Variants in PRDM1 observed in about 807,000 individuals in gnomAD.
The protein encoded by PRDM1 is PR/SET domain 1.
Under a neutral mutation model 62.8 loss-of-function variants are expected in PRDM1, and 13 were observed. The ratio of observed to expected loss-of-function variants is 0.21; its 90% CI spans 0.13 to 0.33. The LOEUF is 0.33. Among genes scored for constraint, PRDM1 ranks in the 10% least tolerant of loss-of-function variants. PRDM1 has a pLI of 1.00. For missense variants in PRDM1, 895 were observed against 1,058.8 expected (o/e 0.85, Z 2.15); for synonymous variants, 396 against 417.6 (o/e 0.95, Z 0.63).
At chr6:106,052,005 A>G (rs1773183440) in intron 1 of PRDM1, among the ~76,000 whole-genome samples, 1 of 152,230 alleles carries the variant, frequency 6.6e-6, no homozygotes, top group African/African-American at 2.4e-5. Context: ...AAAGTAGAAT[A>G]GAGGTTACCA....
chr6:106,023,705 C>A (rs769042627), intron 1 of PRDM1, among the ~76,000 whole-genome samples: 1 of 152,128 alleles, frequency 6.6e-6, no homozygotes, highest in Non-Finnish European at 1.5e-5. Context: ...GGATACTGTT[C>A]GCATGCAATT....
upstream of PRDM1, among the ~76,000 whole-genome samples, chr6:106,083,931 C>T (rs531102378): frequency 5.1e-4 from 77 of 152,158 alleles, no homozygotes; most frequent in Non-Finnish European, 9.1e-4. Context: ...CTGCTCAGGC[C>T]CTCTGGGAGG....
intron 1 of PRDM1, among the ~76,000 whole-genome samples, chr6:106,025,168 T>C (rs1195771234): frequency 6.6e-6 from 1 of 152,216 alleles, no homozygotes; most frequent in East Asian, 1.9e-4. Flanking sequence ...TCTTTCCCAT[T>C]TATTTTAGAG....
At chr6:106,037,591 A>T (rs7758500) in intron 1 of PRDM1, among the ~76,000 whole-genome samples, 1 of 152,064 alleles carries the variant, frequency 6.6e-6, no homozygotes, top group Non-Finnish European at 1.5e-5. Flanking sequence ...TCTTTGTCCT[A>T]TTTTCAAGTT....
At position 106,081,271 on chromosome 6, in the gene PRDM1, G is replaced by A. The variant is rs140177775; in HGVS notation, c.-66-6930G>A. On this transcript the variant is annotated intron_variant, in intron 1 of 6. Transcript: ENST00000651185. ...ACATTTAAAAGGTTCTCCAATAAGC[G>A]CAGCCCCCTCCTCCTCATTTTTAAG... 2.6e-3 allele frequency among the ~76,000 whole-genome samples: 394 copies of A among 152,222 alleles called. 1 individual carries two copies. Among genetic ancestry groups the A allele is most frequent in the Admixed American group, 6.7e-3 (102 of 15,296 alleles).
At position 106,099,528 on chromosome 6, in the gene PRDM1, G is replaced by A. The variant is rs923492791; in HGVS notation, c.640G>A (p.Gly214Arg). The change falls in exon 4 of 7, where the codon GGA (glycine) becomes AGA (arginine). Residue 214 changes from glycine (G) to arginine (R), a missense_variant. Coordinates refer to ENST00000369096, the MANE Select transcript of PRDM1 (RefSeq NM_001198.4). Reference protein sequence around the residue: ...FAERLHYPYPGELTMMNLTQT... With the variant: ...FAERLHYPYPRELTMMNLTQT... ...AGAAAGGCTTCACTACCCTTATCCC[G>A]GAGAGCTGACAATGATGAATCTCAG... 51 of 1,613,922 alleles carry A rather than the reference G, an allele frequency of 3.2e-5. No individual in the cohort carries two copies. The highest frequency in any genetic ancestry group is 6.7e-5 in the East Asian group (3 of 44,894).
intron 1 of PRDM1, among the ~76,000 whole-genome samples, chr6:106,062,093 T>G (rs1005931391): frequency 6.6e-6 from 1 of 152,246 alleles, no homozygotes; most frequent in African/African-American, 2.4e-5. Context: ...ATGTATCTAT[T>G]TAAAATTGTA....
intron 1 of PRDM1, among the ~76,000 whole-genome samples, chr6:106,066,008 A>C (rs1773428051): frequency 6.6e-6 from 1 of 152,214 alleles, no homozygotes; most frequent in South Asian, 2.1e-4. Context: ...TTGCCCATGG[A>C]AGCTGAGCCT....
chr6:106,029,871 G>T (rs1039785698), intron 1 of PRDM1, among the ~76,000 whole-genome samples: 4 of 151,946 alleles, frequency 2.6e-5, no homozygotes, highest in African/African-American at 9.7e-5. Flanking sequence ...TGTCCGTCTT[G>T]GCCTCCCAAA....
At chr6:106,073,231 C>T (rs1456393278) in intron 1 of PRDM1, among the ~76,000 whole-genome samples, 3 of 151,826 alleles carry the variant, frequency 2.0e-5, no homozygotes, top group East Asian at 3.9e-4. Flanking sequence ...TCTTCTGCCT[C>T]GGCCTCCCGA....
At chr6:106,024,506 C>T (rs1272249464) in intron 1 of PRDM1, among the ~76,000 whole-genome samples, 1 of 152,198 alleles carries the variant, frequency 6.6e-6, no homozygotes, top group Admixed American at 6.5e-5. Flanking sequence ...TCAGACATCT[C>T]TTCTATGAAA....
At chr6:106,019,123 G>T (rs1582427839) in intron 1 of PRDM1, among the ~76,000 whole-genome samples, 1 of 151,804 alleles carries the variant, frequency 6.6e-6, no homozygotes, top group East Asian at 1.9e-4. Flanking sequence ...AAAATTAGCT[G>T]GGGATGGTGG....
At chr6:106,104,679 G>C in intron 4 of PRDM1, 146 bp from the exon 5 acceptor site, 1 of 1,063,848 alleles carries the variant, frequency 9.4e-7, no homozygotes. Flanking sequence ...GAGCCTTCTA[G>C]AATGAGAGTG....
chr6:106,045,582 G>A (rs1462905617), upstream of PRDM1: 1 of 152,186 alleles, frequency 6.6e-6, no homozygotes, highest in Admixed American at 6.5e-5. Flanking sequence ...TCTTTTATTA[G>A]TGGCTGAAAG....
chr6:106,016,338 C>T (rs1772619506), intron 1 of PRDM1, among the ~76,000 whole-genome samples: 1 of 152,044 alleles, frequency 6.6e-6, no homozygotes, highest in Non-Finnish European at 1.5e-5. Context: ...TAATTATTTA[C>T]ATTTATCTTT....
intron 1 of PRDM1, among the ~76,000 whole-genome samples, chr6:106,010,535 T>G (rs947824354): frequency 2.0e-5 from 3 of 152,214 alleles, no homozygotes; most frequent in African/African-American, 7.2e-5. Context: ...ACCATGCACC[T>G]TATCAAATCA....
In PRDM1 at chr6:106,008,351, G is replaced by A. The variant is rs373238477; in HGVS notation, c.-67+14712G>A. ...TCGTGCCACTGTACTCCAGCCTGGC[G>A]ACAGAGTGAGGCTCCGTCTCAAAAA... On this transcript the variant is annotated intron_variant, in intron 1 of 6. Transcript: ENST00000652320. 2.6e-4 allele frequency among the ~76,000 whole-genome samples: 39 copies of A among 152,188 alleles called. No individual in the cohort carries two copies. The East Asian group carries it at 5.8e-3, about 23-fold the overall frequency.
chr6:106,011,820 C>T (rs921171901), intron 1 of PRDM1, among the ~76,000 whole-genome samples: 3 of 151,920 alleles, frequency 2.0e-5, no homozygotes, highest in Non-Finnish European at 4.4e-5. Context: ...ACATACACAC[C>T]CCCACACATT....
intron 3 of PRDM1, chr6:106,098,833 TAC>T: frequency 2.0e-6 from 3 of 1,527,204 alleles, no homozygotes; most frequent in Non-Finnish European, 2.6e-6. Flanking sequence ...AAACGGCGAG[TAC>T]AGAGGCCATA....
Sources: gnomAD v4.1 joint callset for allele counts (sites outside exome capture counted in the v4.1 genomes callset) on GRCh38, gnomAD v4.1.1 for gene constraint, MANE v1.5 for transcripts, NCBI Gene and HGNC (gene_info 2026-07-23, HGNC 2026-07-21) for gene names.